Variants in DOCK1 observed in about 807,000 individuals in gnomAD.
DOCK1 encodes the protein dedicator of cytokinesis protein 1.
A neutral mutation model predicts 262.7 loss-of-function variants in DOCK1; 138 were observed. The observed-to-expected ratio is 0.53, with a 90% CI of 0.46 to 0.61. The LOEUF is 0.61. DOCK1 is among the 20% of genes least tolerant of loss of function. The probability of loss-of-function intolerance (pLI) is 0.00; values close to 1 mark genes in which losing one functional copy is unlikely to be tolerated. For synonymous variants in DOCK1, 866 were observed against 867.4 expected (o/e 1.00, Z 0.03); for missense variants, 1,908 against 2,370.7 (o/e 0.80, Z 4.05).
At chr10:127,396,848 G>C (rs1336434980) in intron 38 of DOCK1, among the ~76,000 whole-genome samples, 1 of 152,186 alleles carries the variant, frequency 6.6e-6, no homozygotes, top group Non-Finnish European at 1.5e-5. Context: ...ACTTGCCGTG[G>C]AATAAAGGAG....
At chr10:126,948,433 G>A (rs1309529402) in intron 1 of DOCK1, among the ~76,000 whole-genome samples, 1 of 138,142 alleles carries the variant, frequency 7.2e-6, no homozygotes, top group Non-Finnish European at 1.7e-5. Context: ...TGGTGGTGGT[G>A]GTAATACTGC....
chr10:127,443,215 A>T (rs2070303600), intron 49 of DOCK1, among the ~76,000 whole-genome samples: 1 of 152,056 alleles, frequency 6.6e-6, no homozygotes, highest in Non-Finnish European at 1.5e-5. Flanking sequence ...TCCCTTTTTC[A>T]TAAGGTCACC....
At chr10:127,250,998 T>A (rs1001959713) in intron 28 of DOCK1, among the ~76,000 whole-genome samples, 7 of 152,016 alleles carry the variant, frequency 4.6e-5, no homozygotes, top group Non-Finnish European at 1.0e-4. Context: ...GTTTCACTCT[T>A]GTTGCCCAGG....
chr10:127,214,995 T>C (rs566252858), intron 27 of DOCK1, among the ~76,000 whole-genome samples: 13 of 152,296 alleles, frequency 8.5e-5, no homozygotes, highest in African/African-American at 3.1e-4. Flanking sequence ...TGCAGGATGG[T>C]TGCCCTCATT....
At chr10:127,208,968 A>G (rs1276042585) in intron 27 of DOCK1, among the ~76,000 whole-genome samples, 1 of 152,214 alleles carries the variant, frequency 6.6e-6, no homozygotes, top group Non-Finnish European at 1.5e-5. Context: ...GTGGTCGTTA[A>G]TACAGCCTCT....
At chr10:126,991,125 C>CAAGAGCAAAT (rs2039753481) in intron 6 of DOCK1, among the ~76,000 whole-genome samples, 1 of 152,168 alleles carries the variant, frequency 6.6e-6, no homozygotes, top group East Asian at 1.9e-4. Flanking sequence ...TTGCTTTGTG[C>CAAGAGCAAAT]AGTTATGTCT....
At chr10:127,033,783 C>T (rs2043401846) in intron 18 of DOCK1, among the ~76,000 whole-genome samples, 1 of 152,112 alleles carries the variant, frequency 6.6e-6, no homozygotes, top group Admixed American at 6.5e-5. Context: ...GAGTGTGCTG[C>T]ATGTTTGGGC....
At chr10:127,040,923 C>T (rs936015552) in intron 19 of DOCK1, among the ~76,000 whole-genome samples, 6 of 152,094 alleles carry the variant, frequency 3.9e-5, no homozygotes, top group African/African-American at 1.4e-4. Context: ...TAGTCACTTT[C>T]TCCTCTTCCT....
intron 22 of DOCK1, among the ~76,000 whole-genome samples, 198 bp from the exon 23 acceptor site, chr10:127,061,470 G>A (rs2045524997): frequency 1.3e-5 from 2 of 152,220 alleles, no homozygotes; most frequent in South Asian, 4.1e-4. Flanking sequence ...GCCTCTGTAT[G>A]TGGAGGCACG....
chr10:127,248,061 T>C lies in DOCK1; in HGVS notation c.2901T>C (p.His967=). 6.2e-7 allele frequency: 1 copy of C among 1,614,016 alleles called. No individual in the cohort carries two copies. ...TTTTACGACAAATGGAAGATTACCATTATGCCCACTTGATCAAGACTTTTG... is the reference window on the plus strand; with the variant it reads ...TTTTACGACAAATGGAAGATTACCACTATGCCCACTTGATCAAGACTTTTG... ...TAILRQMEDY[H]YAHLIKTFGK... Residue 967 remains histidine (H), a synonymous_variant, in exon 28 of 52, where the codon CAT becomes CAC. Transcript: ENST00000623213.
rs902794974 is a variant in DOCK1 at position 127,140,202 on chromosome 10, C to T, written c.2847+12438C>T. On this transcript the variant is annotated intron_variant, in intron 27 of 51. Coordinates refer to ENST00000623213, the MANE Select transcript of DOCK1 (RefSeq NM_001290223.2). ...TTATTGAATTCCCATTAAGCAACTA[C>T]ACTGGGAATCCTGTTATTAACCAAT... Among the ~76,000 whole-genome samples the T allele has an allele frequency of 3.9e-5, 6 of 152,200 alleles. No homozygotes were observed. The East Asian group carries it at 9.6e-4, about 24-fold the overall frequency.
chr10:127,412,754 C>T (rs1173140983), intron 43 of DOCK1, among the ~76,000 whole-genome samples: 1 of 152,206 alleles, frequency 6.6e-6, no homozygotes, highest in African/African-American at 2.4e-5. Flanking sequence ...CTGTGAGTCT[C>T]CTAGCTCAGC....
intron 31 of DOCK1, among the ~76,000 whole-genome samples, chr10:127,353,941 A>G (rs1022370289): frequency 6.6e-6 from 1 of 152,240 alleles, no homozygotes; most frequent in Non-Finnish European, 1.5e-5. Context: ...AGCAGGCTCG[A>G]TGACACAGCT....
intron 27 of DOCK1, among the ~76,000 whole-genome samples, chr10:127,221,850 A>T (rs2058448422): frequency 6.6e-6 from 1 of 152,210 alleles, no homozygotes; most frequent in Non-Finnish European, 1.5e-5. Flanking sequence ...TCCTTAATTT[A>T]ATGGAATGCC....
chr10:127,130,317 C>G (rs1051156950), intron 27 of DOCK1, among the ~76,000 whole-genome samples: 2 of 152,032 alleles, frequency 1.3e-5, no homozygotes, highest in Non-Finnish European at 2.9e-5. Flanking sequence ...AATTCCTGAC[C>G]TCAGGTGATC....
intron 1 of DOCK1, among the ~76,000 whole-genome samples, chr10:126,912,387 G>A (rs938623639): frequency 2.0e-5 from 3 of 149,688 alleles, no homozygotes; most frequent in Non-Finnish European, 4.4e-5. Flanking sequence ...CCAAGATTGC[G>A]CCATTGTACT....
At chr10:127,110,004 T>C (rs1445626564) in intron 24 of DOCK1, among the ~76,000 whole-genome samples, 2 of 152,200 alleles carry the variant, frequency 1.3e-5, no homozygotes, top group Non-Finnish European at 2.9e-5. Context: ...ATTATATCTT[T>C]ACCAACACTT....
chr10:127,071,480 T>C (rs535262344), intron 23 of DOCK1, among the ~76,000 whole-genome samples: 77 of 152,336 alleles, frequency 5.1e-4, no homozygotes, highest in Non-Finnish European at 1.0e-3. Context: ...TCATCTCTCT[T>C]CCACCGTTTC....
chr10:127,210,338 T>A (rs750875507), intron 27 of DOCK1, among the ~76,000 whole-genome samples: 14 of 152,174 alleles, frequency 9.2e-5, no homozygotes, highest in Non-Finnish European at 1.8e-4. Context: ...CCACGGAAGC[T>A]GTGGAGAGCC....
Sources: allele counts gnomAD v4.1 joint callset (sites outside exome capture counted in the v4.1 genomes callset), GRCh38; gene constraint gnomAD v4.1.1; transcripts MANE v1.5; gene names NCBI Gene and HGNC (gene_info 2026-07-23, HGNC 2026-07-21).